SLC16A1: variants seen among roughly 807,000 people sequenced by gnomAD.
SLC16A1 encodes monocarboxylate transporter 1.
A neutral mutation model predicts 32.2 loss-of-function variants in SLC16A1; 11 were observed. The ratio of observed to expected loss-of-function variants is 0.34; its 90% confidence interval spans 0.21 to 0.56. The LOEUF (loss-of-function observed/expected upper bound fraction) is 0.56. SLC16A1 is among the 20% of genes least tolerant of loss of function. The pLI is 0.87. For synonymous variants in SLC16A1, 231 were observed against 226.8 expected (o/e 1.02, Z -0.17); for missense variants, 435 against 615.0 (o/e 0.71, Z 3.10).
chr1:112,932,518 C>T (rs1649169113), intron 1 of SLC16A1, among the ~76,000 whole-genome samples: 1 of 151,514 alleles, frequency 6.6e-6, no homozygotes, highest in Non-Finnish European at 1.5e-5. Flanking sequence ...AAGACCTTGT[C>T]TCGGCCAGGT....
chr1:112,948,942 C>T (rs1390793684), intron 1 of SLC16A1, among the ~76,000 whole-genome samples: 2 of 152,092 alleles, frequency 1.3e-5, no homozygotes, highest in African/African-American at 2.4e-5. Context: ...GCCTTTCTCC[C>T]GCCTCAGCCT....
At chr1:112,919,392 A>G (rs1021254408) in intron 3 of SLC16A1, among the ~76,000 whole-genome samples, 5 of 152,236 alleles carry the variant, frequency 3.3e-5, no homozygotes, top group Admixed American at 1.3e-4. Context: ...CTTTCGGATT[A>G]AGGTAAATGA....
chr1:112,929,441 G>A (rs955185945), intron 1 of SLC16A1, 89 bp from the exon 2 acceptor site: 2 of 762,422 alleles, frequency 2.6e-6, no homozygotes, highest in Non-Finnish European at 4.4e-6. Context: ...CAATCGTGGT[G>A]GATCATGCCT....
chr1:112,939,678 G>C (rs1570639589), intron 1 of SLC16A1, among the ~76,000 whole-genome samples: 1 of 151,892 alleles, frequency 6.6e-6, no homozygotes, highest in South Asian at 2.1e-4. Context: ...CCTAATTTTT[G>C]TATTATTAGT....
chr1:112,940,348 T>C (rs1484461400), intron 1 of SLC16A1, among the ~76,000 whole-genome samples: 2 of 152,172 alleles, frequency 1.3e-5, no homozygotes, highest in Non-Finnish European at 1.5e-5. Context: ...GCTGATAGTT[T>C]CATGATGATT....
intron 1 of SLC16A1, among the ~76,000 whole-genome samples, chr1:112,950,293 A>C (rs1013088126): frequency 8.5e-5 from 13 of 152,220 alleles, no homozygotes; most frequent in African/African-American, 3.1e-4. Context: ...GGTTTCCAAA[A>C]CTCAATAAGA....
chr1:112,932,436 G>C lies in SLC16A1; in HGVS notation c.-44-3084C>G, dbSNP rs532865153. 7.9e-4 allele frequency among the ~76,000 whole-genome samples: 120 copies of C among 152,144 alleles called. No individual in the cohort carries two copies. In the Middle Eastern group the frequency reaches 0.014, roughly 17 times the overall value. On this transcript the variant is annotated intron_variant, in intron 1 of 4. Coordinates refer to ENST00000369626, the MANE Select transcript of SLC16A1 (RefSeq NM_003051.4). ...TAGTCCTAGCTACTTGGGAAGCTGA[G>C]GTGGGAGGATCACTTGAGCCCAGGA... is the stretch of plus-strand genomic sequence containing the variant.
intron 2 of SLC16A1, among the ~76,000 whole-genome samples, chr1:112,924,966 G>A (rs1033030904): frequency 6.6e-6 from 1 of 152,082 alleles, no homozygotes; most frequent in Non-Finnish European, 1.5e-5. Flanking sequence ...TAGTACAATT[G>A]TGAAAAAAAA....
intron 1 of SLC16A1, among the ~76,000 whole-genome samples, chr1:112,934,470 T>C (rs1006099376): frequency 1.3e-5 from 2 of 152,214 alleles, no homozygotes; most frequent in African/African-American, 4.8e-5. Context: ...ATTATCATGA[T>C]GGTGACAGTT....
At chr1:112,955,345 T>TA (rs1280176981) in intron 1 of SLC16A1, 1 of 152,102 alleles carries the variant, frequency 6.6e-6, no homozygotes, top group East Asian at 1.9e-4. Context: ...AGGGCCGCCT[T>TA]AAGTCCATGA....
intron 3 of SLC16A1, among the ~76,000 whole-genome samples, chr1:112,919,313 C>T (rs183660262): frequency 2.0e-5 from 3 of 152,208 alleles, no homozygotes; most frequent in East Asian, 3.9e-4. Flanking sequence ...GGATTACAGG[C>T]GTAAGCCACC....
chr1:112,954,162 T>G (rs181251493), intron 1 of SLC16A1, among the ~76,000 whole-genome samples: 3 of 152,336 alleles, frequency 2.0e-5, no homozygotes, highest in African/African-American at 7.2e-5. Flanking sequence ...ACAAGACAGC[T>G]ATGTAGGCAT....
chr1:112,946,361 TAAA>T (rs922606415), intron 1 of SLC16A1, among the ~76,000 whole-genome samples: 5 of 147,298 alleles, frequency 3.4e-5, no homozygotes, highest in African/African-American at 1.2e-4. Context: ...CCACTTGAGT[TAAA>T]AAAAAAAATC....
At position 112,922,137 on chromosome 1, in the gene SLC16A1, A is replaced by G. The variant is rs761317499; in HGVS notation, c.218-4T>C. ...ACCAGGATACTGCTGATAGGACCTA[A>G]AAGACAACCAAAAATGTAGTAATAT... On this transcript the variant is annotated splice_region_variant and splice_polypyrimidine_tract_variant and intron_variant, in intron 2 of 4. Transcript: ENST00000369626. 3.1e-6 allele frequency: 5 copies of G among 1,613,840 alleles called. No homozygotes were observed. Among genetic ancestry groups the G allele is most frequent in the Non-Finnish European group, 4.2e-6 (5 of 1,179,984 alleles).
At chr1:112,953,843 T>C (rs1649986017) in intron 1 of SLC16A1, among the ~76,000 whole-genome samples, 1 of 152,200 alleles carries the variant, frequency 6.6e-6, no homozygotes, top group South Asian at 2.1e-4. Flanking sequence ...GCTTCTATAC[T>C]AAGTTGGGTG....
chr1:112,945,654 G>A (rs1250309056), intron 1 of SLC16A1, among the ~76,000 whole-genome samples: 23 of 139,834 alleles, frequency 1.6e-4, no homozygotes, highest in African/African-American at 5.9e-4. Context: ...CAGCCTGGGC[G>A]ATGGAGCAAG....
At chr1:112,920,426 T>C (rs886249554) in intron 3 of SLC16A1, among the ~76,000 whole-genome samples, 2 of 151,952 alleles carry the variant, frequency 1.3e-5, no homozygotes, top group Admixed American at 6.6e-5. Context: ...CACAACATAG[T>C]GAAACCCCGT....
chr1:112,925,064 A>C (rs1648892184), intron 2 of SLC16A1, among the ~76,000 whole-genome samples: 1 of 152,258 alleles, frequency 6.6e-6, no homozygotes, highest in Admixed American at 6.5e-5. Flanking sequence ...TTATCCAAGA[A>C]AACCAGACAT....
chr1:112,940,452 T>G (rs1649470315), intron 1 of SLC16A1, among the ~76,000 whole-genome samples: 1 of 152,204 alleles, frequency 6.6e-6, no homozygotes, highest in Admixed American at 6.5e-5. Context: ...GCTGTTTTTT[T>G]AAATCATTAA....
Sources: gnomAD v4.1 joint callset for allele counts (sites outside exome capture counted in the v4.1 genomes callset) on GRCh38, gnomAD v4.1.1 for gene constraint, MANE v1.5 for transcripts, NCBI Gene and HGNC (gene_info 2026-07-23, HGNC 2026-07-21) for gene names.